Variants in MCF2L observed in about 807,000 individuals in gnomAD.
MCF2L encodes guanine nucleotide exchange factor DBS.
Under a neutral mutation model 153.4 loss-of-function variants are expected in MCF2L, and 97 were observed. That is an observed-to-expected ratio of 0.63 (90% confidence interval 0.54 to 0.75). The LOEUF (loss-of-function observed/expected upper bound fraction) is 0.75, where lower values mean the gene tolerates loss of function less well. Among genes scored for constraint, MCF2L ranks in the 30% least tolerant of loss-of-function variants. The probability of loss-of-function intolerance (pLI) is 0.00; values close to 1 mark genes in which losing one functional copy is unlikely to be tolerated. For missense variants in MCF2L, 1,347 were observed against 1,495.2 expected, an observed-to-expected ratio of 0.90 and a Z score of 1.64; for synonymous variants, 659 against 632.2, an observed-to-expected ratio of 1.04 and a Z score of -0.64.
Position 113,045,150 on chromosome 13 carries a change from A to C in MCF2L, c.279-121A>C. The stretch of plus-strand genomic sequence containing the variant: ...CCGTGTGCCATGCCTCTCACCTGGT[A>C]TTGCAGAAATGGCATCATGAATATG... On this transcript the variant is annotated intron_variant, in intron 3 of 29. Coordinates refer to ENST00000535094, the MANE Select transcript of MCF2L (RefSeq NM_001112732.3). This position sits in a 1 kb window ranked among gnomAD's most constrained non-coding sequence, Gnocchi z 4.2. 3.1e-6 allele frequency: 3 copies of C among 965,662 alleles called. No individual in the cohort carries two copies. The highest frequency in any genetic ancestry group is 5.0e-6 in the Non-Finnish European group (3 of 603,554). 59.8% of individuals were successfully genotyped at this position (965,662 alleles called of 1,614,324 possible). A position where few individuals can be genotyped will look rare whatever the true frequency, so the allele number is the denominator to read the frequency against.
intron 2 of MCF2L, among the ~76,000 whole-genome samples, chr13:112,921,504 C>G (rs1317883130): frequency 6.6e-6 from 1 of 152,190 alleles, no homozygotes; most frequent in Non-Finnish European, 1.5e-5. Context: ...CCTCCCACCT[C>G]CTAGTCTAAG....
intron 3 of MCF2L, among the ~76,000 whole-genome samples, chr13:113,034,630 G>A (rs2086025969): frequency 6.8e-6 from 1 of 147,580 alleles, no homozygotes; most frequent in African/African-American, 2.5e-5. Flanking sequence ...CCTCGCCCTG[G>A]TCTCACCCAC....
intron 1 of MCF2L, among the ~76,000 whole-genome samples, chr13:112,976,187 T>C (rs1253387687): frequency 1.4e-5 from 2 of 139,834 alleles, no homozygotes; most frequent in African/African-American, 5.1e-5. Context: ...TGTGTGTGTG[T>C]GTGCGTGTGT....
intron 18 of MCF2L, among the ~76,000 whole-genome samples, chr13:113,084,397 C>T (rs2034443821): frequency 6.6e-6 from 1 of 152,180 alleles, no homozygotes; most frequent in African/African-American, 2.4e-5. Context: ...CTTCCTGTCC[C>T]TTAGAAACTT....
chr13:112,956,256 T>C (rs1326552466), intron 2 of MCF2L: 1 of 152,690 alleles, frequency 6.5e-6, no homozygotes, highest in Non-Finnish European at 1.5e-5. Flanking sequence ...AGCTTCTTTT[T>C]GCCAGAGATC....
At chr13:112,931,749 G>T (rs748173013) in intron 2 of MCF2L, among the ~76,000 whole-genome samples, 6 of 152,078 alleles carry the variant, frequency 3.9e-5, no homozygotes, top group Admixed American at 2.6e-4. Context: ...GATGAGACTG[G>T]ATCATCTTAC....
chr13:113,099,443 A>C lies in MCF2L; in HGVS notation c.*2584A>C, dbSNP rs1415461288. On this transcript the variant is annotated 3_prime_UTR_variant, in exon 30 of 30. Coordinates refer to ENST00000535094, the MANE Select transcript of MCF2L (RefSeq NM_001112732.3). ...TGCTCTCTAGAACTGGACAGCGTGC[A>C]CAGAGCCACGGGAGGGAGCAGCCAC... The C allele has an allele frequency of 1.3e-5, 2 of 152,242 alleles. No individual in the cohort carries two copies. The highest frequency in any genetic ancestry group is 2.9e-5 in the Non-Finnish European group (2 of 68,052). The allele number at this position is 152,242 out of a possible 1,614,324, so 9.4% of individuals were successfully genotyped here.
intron 2 of MCF2L, among the ~76,000 whole-genome samples, chr13:112,929,360 G>A (rs755105034): frequency 5.3e-5 from 8 of 152,142 alleles, no homozygotes; most frequent in South Asian, 2.1e-4. Context: ...GTTCAACTTC[G>A]TGGCTGCAGG....
At chr13:113,072,752 T>A (rs930826371) in intron 9 of MCF2L, among the ~76,000 whole-genome samples, 1 of 152,200 alleles carries the variant, frequency 6.6e-6, no homozygotes, top group South Asian at 2.1e-4. Context: ...TTTGTCAATC[T>A]AGATTGAGAT....
rs769071029 is a variant in MCF2L, at chr13:113,075,003, C to T, written c.1122C>T (p.Ala374=). 8.1e-6 allele frequency: 13 copies of T among 1,598,530 alleles called. No individual in the cohort carries two copies. The highest frequency in any genetic ancestry group is 5.0e-5 in the Admixed American group (3 of 59,596). ...LASFEEKSGV[A]VERARALSLD... ...CTCTGGGTGGCCGTCCACAGGTGGC[C>T]GTGGAGAGGGCCCGGGCCCTGTCTC... Residue 374 remains alanine, a synonymous_variant, in exon 11 of 30, where the codon GCC becomes GCT. Coordinates refer to ENST00000535094, the MANE Select transcript of MCF2L (RefSeq NM_001112732.3).
rs778142990 is a variant in MCF2L at position 113,045,036 on chromosome 13, G to A, written c.279-235G>A. The A allele has an allele frequency of 5.1e-6, 6 of 1,173,482 alleles. No homozygotes were observed. The highest frequency in any genetic ancestry group is 7.3e-6 in the Non-Finnish European group (6 of 826,224). The allele number at this position is 1,173,482 out of a possible 1,614,324, so 72.7% of individuals were successfully genotyped here. ...CTGTGACTCGAGGTGGTTGGTGTTA[G>A]GCTGAGAAATAAGAACACACCAAAA... On this transcript the variant is annotated intron_variant, in intron 3 of 29. Transcript: ENST00000535094. The surrounding 1 kb of genome is among the most constrained non-coding windows in gnomAD (Gnocchi z 4.2).
At chr13:113,011,051 G>A (rs1350261261) in intron 1 of MCF2L, among the ~76,000 whole-genome samples, 5 of 152,158 alleles carry the variant, frequency 3.3e-5, no homozygotes, top group Admixed American at 2.6e-4. Context: ...CAAGAAGAAT[G>A]AAAACTTACA....
At chr13:113,060,845 C>T (rs1279434151) in intron 5 of MCF2L, 133 bp downstream of exon 5, 21 of 1,240,246 alleles carry the variant, frequency 1.7e-5, no homozygotes, top group Non-Finnish European at 2.0e-5. Flanking sequence ...CAGGACCTGG[C>T]GGGAAGTTGC....
chr13:112,979,722 A>C, intron 1 of MCF2L: 1 of 1,612,528 alleles, frequency 6.2e-7, no homozygotes, highest in South Asian at 1.1e-5. Flanking sequence ...GTCACTGCCC[A>C]GGAGGCGCCG....
intron 2 of MCF2L, chr13:112,956,917 GC>G (rs1159744003): frequency 6.6e-6 from 1 of 152,186 alleles, no homozygotes; most frequent in African/African-American, 2.4e-5. Context: ...CTTACTTACA[GC>G]CAGGAAGGCA....
At chr13:113,089,526 C>T in intron 25 of MCF2L, 84 bp from the exon 26 acceptor site, 1 of 862,278 alleles carries the variant, frequency 1.2e-6, no homozygotes, top group East Asian at 2.4e-5. Context: ...TCAGAGATAT[C>T]TGAATGCCTC....
chr13:112,949,722 T>C (rs1265888836), intron 2 of MCF2L, among the ~76,000 whole-genome samples: 2 of 149,844 alleles, frequency 1.3e-5, no homozygotes, highest in African/African-American at 2.5e-5. Flanking sequence ...CTAGGACAGA[T>C]AGGAGTAGAG....
At chr13:113,072,823 T>C (rs572650842) in intron 9 of MCF2L, among the ~76,000 whole-genome samples, 1 of 152,300 alleles carries the variant, frequency 6.6e-6, no homozygotes, top group South Asian at 2.1e-4. Flanking sequence ...CTCTGTTGTT[T>C]TCTGTTCTCA....
At chr13:113,072,929 T>C (rs1278154983) in intron 9 of MCF2L, among the ~76,000 whole-genome samples, 2 of 152,154 alleles carry the variant, frequency 1.3e-5, no homozygotes, top group South Asian at 4.1e-4. Context: ...TTTTCTAACA[T>C]ACATATTTAA....
Sources: gnomAD v4.1 joint callset for allele counts (sites outside exome capture counted in the v4.1 genomes callset) on GRCh38, gnomAD v4.1.1 for gene constraint, Gnocchi (gnomAD v3.1) non-coding constraint, MANE v1.5 for transcripts, NCBI Gene and HGNC (gene_info 2026-07-23, HGNC 2026-07-21) for gene names.